Variants in ABCA13 observed in about 807,000 individuals in gnomAD.
The protein encoded by ABCA13 is ATP binding cassette subfamily A member 13.
In ABCA13, 476 loss-of-function variants were observed where a neutral mutation model predicts 478.7. The ratio of observed to expected loss-of-function variants is 0.99; its 90% CI spans 0.92 to 1.07. The LOEUF is 1.07. Among genes scored for constraint, ABCA13 ranks in the 50% least tolerant of loss-of-function variants. The pLI is 0.00. For missense variants in ABCA13, 6,060 were observed against 5,910.6 expected (o/e 1.03, Z -0.83); for synonymous variants, 2,252 against 2,158.9 (o/e 1.04, Z -1.20).
chr7:48,375,522 T>C (rs1813328289), intron 34 of ABCA13, among the ~76,000 whole-genome samples: 1 of 152,210 alleles, frequency 6.6e-6, no homozygotes, highest in Non-Finnish European at 1.5e-5. Context: ...TAAAAATCTA[T>C]TGGCAGCATT....
intron 42 of ABCA13, among the ~76,000 whole-genome samples, chr7:48,453,234 GA>G (rs1347247874): frequency 9.5e-5 from 12 of 126,042 alleles, no homozygotes; most frequent in African/African-American, 3.2e-4. Context: ...TGGAGATTGG[GA>G]TTTTTTTTTT....
At chr7:48,255,550 A>G (rs567838027) in intron 15 of ABCA13, among the ~76,000 whole-genome samples, 1 of 152,268 alleles carries the variant, frequency 6.6e-6, no homozygotes, top group African/African-American at 2.4e-5. Flanking sequence ...ATAAATGGGA[A>G]CATGTGGTAT....
chr7:48,345,978 T>A (rs902369007), intron 29 of ABCA13, among the ~76,000 whole-genome samples: 1 of 152,212 alleles, frequency 6.6e-6, no homozygotes, highest in Non-Finnish European at 1.5e-5. Context: ...GATAAACAAA[T>A]CCTTACCATC....
chr7:48,332,096 A>G (rs1805497121), intron 27 of ABCA13, among the ~76,000 whole-genome samples: 1 of 152,212 alleles, frequency 6.6e-6, no homozygotes, highest in African/African-American at 2.4e-5. Flanking sequence ...TTATTGCTGA[A>G]TAACATTCCC....
intron 1 of ABCA13, among the ~76,000 whole-genome samples, chr7:48,179,531 C>G (rs1400098470): frequency 6.6e-6 from 1 of 152,236 alleles, no homozygotes; most frequent in Non-Finnish European, 1.5e-5. Flanking sequence ...ACCTGTCATC[C>G]TCCAGGTTTG....
At chr7:48,381,609 C>T (rs1004119090) in intron 35 of ABCA13, among the ~76,000 whole-genome samples, 1 of 152,104 alleles carries the variant, frequency 6.6e-6, no homozygotes, top group African/African-American at 2.4e-5. Flanking sequence ...AACATCTGGT[C>T]CTCTCGAAGA....
rs1341827841 is a variant in ABCA13, at chr7:48,314,282, T to A, written c.9732T>A (p.Phe3244Leu). 1.2e-6 allele frequency: 2 copies of A among 1,613,606 alleles called. No homozygotes were observed. Among genetic ancestry groups the A allele is most frequent in the African/African-American group, 2.7e-5 (2 of 74,922 alleles). ...GTTCAGCTTTTGGTTCTTTCCAGTT[T>A]GTGATGAAGATGGTTTGCAAGGACC... ...ARSSAFGSFQ[F>L]VMKMVCKDQA... is the part of the protein sequence containing the mutation. The change falls in exon 26 of 62, where the codon TTT becomes TTA. Residue 3244 changes from phenylalanine (F) to leucine (L), a missense_variant. Coordinates refer to ENST00000435803, the MANE Select transcript of ABCA13 (RefSeq NM_152701.5).
At chr7:48,201,361 G>A (rs543424637) in intron 3 of ABCA13, among the ~76,000 whole-genome samples, 7 of 152,268 alleles carry the variant, frequency 4.6e-5, no homozygotes, top group African/African-American at 1.7e-4. Context: ...GGAATGCTGC[G>A]GAGCTGTTAC....
At chr7:48,286,585 A>C (rs1170719663) in intron 19 of ABCA13, among the ~76,000 whole-genome samples, 2 of 151,524 alleles carry the variant, frequency 1.3e-5, no homozygotes, top group South Asian at 2.1e-4. Flanking sequence ...GCTCATTGCA[A>C]CCTCTACCTC....
intron 42 of ABCA13, among the ~76,000 whole-genome samples, chr7:48,450,568 T>A (rs1397869267): frequency 6.6e-6 from 1 of 152,238 alleles, no homozygotes; most frequent in Non-Finnish European, 1.5e-5. Flanking sequence ...AATATTATTT[T>A]TTATAGTTTA....
chr7:48,454,108 C>G (rs1290904348), intron 42 of ABCA13, among the ~76,000 whole-genome samples: 1 of 152,162 alleles, frequency 6.6e-6, no homozygotes, highest in African/African-American at 2.4e-5. Flanking sequence ...TATAAGACTG[C>G]CTTTCTTGTG....
intron 59 of ABCA13, among the ~76,000 whole-genome samples, chr7:48,641,034 G>A (rs1795067884): frequency 6.6e-6 from 1 of 151,856 alleles, no homozygotes; most frequent in African/African-American, 2.4e-5. Flanking sequence ...CAGTAAAGTT[G>A]GAATTCTTTT....
chr7:48,244,720 G>A lies in ABCA13; in HGVS notation c.1390+17G>A, dbSNP rs1264520471. The A allele has an allele frequency of 6.3e-7, 1 of 1,579,278 alleles. No individual in the cohort carries two copies. The highest frequency in any genetic ancestry group is 8.6e-7 in the Non-Finnish European group (1 of 1,160,612). On this transcript the variant is annotated intron_variant, in intron 11 of 61. Transcript: ENST00000435803. ...TTGTCCAAGGTAAGCTAGCTTTGGT[G>A]TTATTTGTCCCTGACTCACTAAGAG...
chr7:48,339,672 G>A (rs964631480), intron 29 of ABCA13, among the ~76,000 whole-genome samples: 3 of 152,240 alleles, frequency 2.0e-5, no homozygotes, highest in Non-Finnish European at 4.4e-5. Flanking sequence ...TTTCCTACAA[G>A]TGTGTTGGGA....
intron 53 of ABCA13, among the ~76,000 whole-genome samples, chr7:48,523,934 A>G (rs1162744754): frequency 6.6e-6 from 1 of 152,218 alleles, no homozygotes; most frequent in Non-Finnish European, 1.5e-5. Context: ...ATTTTGTGAT[A>G]AGCTATTTTA....
intron 31 of ABCA13, among the ~76,000 whole-genome samples, chr7:48,357,077 G>A (rs971826386): frequency 1.3e-5 from 2 of 151,780 alleles, no homozygotes; most frequent in Non-Finnish European, 2.9e-5. Flanking sequence ...GATGGCTCCC[G>A]TGAGGCGTTG....
intron 48 of ABCA13, among the ~76,000 whole-genome samples, chr7:48,491,914 C>G (rs1396622642): frequency 6.6e-6 from 1 of 152,170 alleles, no homozygotes; most frequent in African/African-American, 2.4e-5. Context: ...GCTCCCTGTT[C>G]GTCTCAGCAG....
intron 59 of ABCA13, among the ~76,000 whole-genome samples, chr7:48,637,277 C>T (rs961197891): frequency 6.0e-5 from 9 of 150,264 alleles, no homozygotes; most frequent in Non-Finnish European, 1.2e-4. Context: ...TCAGGTCTCA[C>T]GCACGAAGTA....
chr7:48,404,028 G>A, intron 39 of ABCA13, 149 bp downstream of exon 39: 2 of 936,396 alleles, frequency 2.1e-6, no homozygotes, highest in Non-Finnish European at 3.3e-6. Flanking sequence ...CACTTATAGG[G>A]ATATATTCGT....
Sources: allele counts gnomAD v4.1 joint callset (sites outside exome capture counted in the v4.1 genomes callset), GRCh38; gene constraint gnomAD v4.1.1; transcripts MANE v1.5; gene names NCBI Gene and HGNC (gene_info 2026-07-23, HGNC 2026-07-21).